ITPRID2: variants seen among roughly 807,000 people sequenced by gnomAD.
ITPRID2 encodes ITPR interacting domain containing 2.
ITPRID2 carries 60 observed loss-of-function variants against 124.3 expected under a neutral mutation model. The observed-to-expected ratio is 0.48, with a 90% CI of 0.39 to 0.60. The LOEUF is 0.60. Among genes scored for constraint, ITPRID2 ranks in the 20% least tolerant of loss-of-function variants. The probability of loss-of-function intolerance (pLI) is 0.00; values close to 1 mark genes in which losing one functional copy is unlikely to be tolerated. For missense variants in ITPRID2, 1,553 were observed against 1,512.2 expected, an observed-to-expected ratio of 1.03 and a Z score of -0.45; for synonymous variants, 521 against 542.9, an observed-to-expected ratio of 0.96 and a Z score of 0.56.
chr2:181,917,837 A>C (rs1453266713), intron 11 of ITPRID2: 1 of 152,096 alleles, frequency 6.6e-6, no homozygotes, highest in African/African-American at 2.4e-5. Flanking sequence ...TGCTGGAGAC[A>C]GTGGTGTAAT....
In ITPRID2 at chr2:181,892,302, G is replaced by C. The variant is rs976516692; in HGVS notation, c.211+25G>C. Reference sequence around the variant, plus strand: ...GGTCGGTGCTCCCGGCCGGGCTCCGGGGGGAGGCTGGTGGGCTGGGGAGAG... The same window carrying C: ...GGTCGGTGCTCCCGGCCGGGCTCCGCGGGGAGGCTGGTGGGCTGGGGAGAG... On this transcript the variant is annotated intron_variant, in intron 1 of 17. Transcript: ENST00000431877. This position sits in a 1 kb window ranked among gnomAD's most constrained non-coding sequence, Gnocchi z 5.2. 7.2e-6 allele frequency: 11 copies of C among 1,531,354 alleles called. No individual in the cohort carries two copies. Among genetic ancestry groups the C allele is most frequent in the Admixed American group, 6.0e-5 (3 of 50,320 alleles). The allele number at this position is 1,531,354 out of a possible 1,614,324, so 94.9% of individuals were successfully genotyped here. A position where few individuals can be genotyped will look rare whatever the true frequency, so the allele number is the denominator to read the frequency against.
At chr2:181,908,100 C>T (rs1017024775) in intron 8 of ITPRID2, among the ~76,000 whole-genome samples, 2 of 152,058 alleles carry the variant, frequency 1.3e-5, no homozygotes, top group African/African-American at 2.4e-5. Context: ...CCGGGTGCGG[C>T]GGCTCACACC....
At position 181,916,400 on chromosome 2, in the gene ITPRID2, T is replaced by G. The variant is rs975156764; in HGVS notation, c.2760T>G (p.Ile920Met). The G allele has an allele frequency of 6.2e-7, 1 of 1,613,638 alleles. No homozygotes were observed. The highest frequency in any genetic ancestry group is 1.3e-5 in the African/African-American group (1 of 74,932). The stretch of plus-strand genomic sequence containing the variant: ...AGTTGCGAAGAGTATTACATGATAT[T>G]AGAAACTCACTGCAGAATCTTTCAC... ...EMQLRRVLHD[I>M]RNSLQNLSQY... Residue 920 changes from isoleucine to methionine, a missense_variant, in exon 11 of 18, where the codon ATT (isoleucine) becomes ATG (methionine). Transcript: ENST00000431877.
Position 181,919,063 on chromosome 2 carries a change from A to G in ITPRID2, c.2993+181A>G, listed in dbSNP as rs564563067. 2.6e-5 allele frequency among the ~76,000 whole-genome samples: 4 copies of G among 152,348 alleles called. No individual in the cohort carries two copies. The highest frequency in any genetic ancestry group is 6.5e-5 in the Admixed American group (1 of 15,306). ...TACTAAGTAAACTTGTATGCCTTCA[A>G]TATCCTAAGGGTAGTGGTAACCTGC... is the stretch of plus-strand genomic sequence containing the variant. On this transcript the variant is annotated intron_variant, in intron 13 of 17. Transcript: ENST00000431877. This position sits in a 1 kb window ranked among gnomAD's most constrained non-coding sequence, Gnocchi z 4.2.
Position 181,919,280 on chromosome 2 carries a change from TTCA to T in ITPRID2, c.2994-15_2994-13del. Reference sequence around the variant, plus strand: ...ACTGCATTTTTCCAATTTTGTGCCCTTCACCATACCAATAGGTTTGAAGTTGAT... The same window carrying T: ...ACTGCATTTTTCCAATTTTGTGCCCTCCATACCAATAGGTTTGAAGTTGAT... On this transcript the variant is annotated splice_polypyrimidine_tract_variant and intron_variant, in intron 13 of 17. Coordinates refer to ENST00000431877, the MANE Select transcript of ITPRID2 (RefSeq NM_001130445.3). The surrounding 1 kb of genome is among the most constrained non-coding windows in gnomAD (Gnocchi z 4.2). 6.2e-7 allele frequency: 1 copy of T among 1,613,556 alleles called. No individual in the cohort carries two copies. Among genetic ancestry groups the T allele is most frequent in the South Asian group, 1.1e-5 (1 of 91,036 alleles).
chr2:181,900,447 CTG>C (rs1692568564), intron 6 of ITPRID2, among the ~76,000 whole-genome samples: 1 of 152,246 alleles, frequency 6.6e-6, no homozygotes, highest in South Asian at 2.1e-4. Context: ...GAATCTCTGA[CTG>C]TGTTCGTTGG....
intron 9 of ITPRID2, among the ~76,000 whole-genome samples, chr2:181,913,480 G>A (rs1238240538): frequency 1.3e-5 from 2 of 152,044 alleles, no homozygotes; most frequent in Non-Finnish European, 2.9e-5. Flanking sequence ...TAATGGAAAT[G>A]GTTTACTTTG....
intron 11 of ITPRID2, chr2:181,917,124 G>A (rs1343773191): frequency 2.1e-6 from 1 of 467,520 alleles, no homozygotes; most frequent in African/African-American, 2.1e-5. Flanking sequence ...TAAGTACGTT[G>A]TCTTCAGTTT....
rs1007064432 is a variant in ITPRID2 at position 181,905,552 on chromosome 2, A to G, written c.1413+3086A>G. 6.6e-6 allele frequency among the ~76,000 whole-genome samples: 1 copy of G among 152,186 alleles called. No homozygotes were observed. The highest frequency in any genetic ancestry group is 2.4e-5 in the African/African-American group (1 of 41,452). On this transcript the variant is annotated intron_variant, in intron 8 of 17. Coordinates refer to ENST00000431877, the MANE Select transcript of ITPRID2 (RefSeq NM_001130445.3). The surrounding 1 kb of genome is among the most constrained non-coding windows in gnomAD (Gnocchi z 4.1). ...TCTCAAGCAGATGTTCATCTTTTAG[A>G]TGTAAAGGAAAAACTTAAGAAGGAG...
intron 6 of ITPRID2, 118 bp from the exon 7 acceptor site, chr2:181,900,578 G>A (rs1574216622): frequency 1.4e-6 from 1 of 732,416 alleles, no homozygotes; most frequent in East Asian, 2.7e-5. Flanking sequence ...CAGAGCAGAA[G>A]CTGAGAAAAA....
chr2:181,923,899 T>A (rs1694669584), intron 16 of ITPRID2, among the ~76,000 whole-genome samples: 1 of 152,198 alleles, frequency 6.6e-6, no homozygotes, highest in African/African-American at 2.4e-5. Context: ...CTTTGGCTTA[T>A]AAGACACAGC....
At position 181,910,768 on chromosome 2, in the gene ITPRID2, A is replaced by G; in HGVS notation, c.1486+797A>G. 3 of 506,536 alleles carry G rather than the reference A, an allele frequency of 5.9e-6. No homozygotes were observed. The highest frequency in any genetic ancestry group is 7.1e-6 in the Non-Finnish European group (2 of 281,330). The allele number at this position is 506,536 out of a possible 1,614,324, so 31.4% of individuals were successfully genotyped here. On this transcript the variant is annotated intron_variant, in intron 9 of 17. Transcript: ENST00000431877. The surrounding 1 kb of genome is among the most constrained non-coding windows in gnomAD (Gnocchi z 4.1). ...GATCTCTGAAATTACTTCACAGGAG[A>G]CAATTTGCATAAATTTTTTTCTTTT...
At chr2:181,925,339 T>C (rs1481291471) in intron 16 of ITPRID2, among the ~76,000 whole-genome samples, 1 of 152,288 alleles carries the variant, frequency 6.6e-6, no homozygotes, top group Non-Finnish European at 1.5e-5. Flanking sequence ...TTAGCCTACA[T>C]TTTTTTGGAA....
At chr2:181,926,712 C>CAAAG (rs1326182959) in intron 16 of ITPRID2, among the ~76,000 whole-genome samples, 1 of 65,976 alleles carries the variant, frequency 1.5e-5, no homozygotes, top group African/African-American at 5.2e-5. Flanking sequence ...GAATCCATCT[C>CAAAG]AAAAAAAAAA....
At chr2:181,927,559 T>C (rs1457762744) in intron 16 of ITPRID2, among the ~76,000 whole-genome samples, 1 of 152,204 alleles carries the variant, frequency 6.6e-6, no homozygotes, top group Non-Finnish European at 1.5e-5. Flanking sequence ...AGTGATACCA[T>C]GCAACTAAAG....
chr2:181,912,976 T>C (rs1346144955), intron 9 of ITPRID2, among the ~76,000 whole-genome samples: 2 of 152,246 alleles, frequency 1.3e-5, no homozygotes, highest in African/African-American at 2.4e-5. Context: ...CCTTATACAT[T>C]TGCATCATTT....
At chr2:181,927,604 G>A (rs199658219) in intron 16 of ITPRID2, among the ~76,000 whole-genome samples, 2 of 152,162 alleles carry the variant, frequency 1.3e-5, no homozygotes, top group Admixed American at 1.3e-4. Flanking sequence ...TGGTTGTTTT[G>A]AGGATGTTTT....
intron 4 of ITPRID2, among the ~76,000 whole-genome samples, chr2:181,898,149 G>T (rs1692361838): frequency 6.6e-6 from 1 of 151,992 alleles, no homozygotes; most frequent in Non-Finnish European, 1.5e-5. Context: ...TGAGTGCTGT[G>T]AGTTAGGCAC....
At chr2:181,928,891 GC>G (rs1204857719) in intron 17 of ITPRID2, among the ~76,000 whole-genome samples, 1 of 152,128 alleles carries the variant, frequency 6.6e-6, no homozygotes, top group Non-Finnish European at 1.5e-5. Context: ...CTCCCAAAGT[GC>G]TGGGATTACA....
Sources: gnomAD v4.1 joint callset for allele counts (sites outside exome capture counted in the v4.1 genomes callset) on GRCh38, gnomAD v4.1.1 for gene constraint, Gnocchi (gnomAD v3.1) non-coding constraint, MANE v1.5 for transcripts, NCBI Gene and HGNC (gene_info 2026-07-23, HGNC 2026-07-21) for gene names.